Variants in VPS53 observed in about 807,000 individuals in gnomAD.
The protein encoded by VPS53 is VPS53 subunit of GARP complex, also known as vacuolar protein sorting-associated protein 53 homolog.
VPS53 carries 70 observed loss-of-function variants against 107.0 expected under a neutral mutation model. That is an observed-to-expected ratio of 0.65 (90% confidence interval 0.54 to 0.80). The LOEUF (loss-of-function observed/expected upper bound fraction) is 0.80. VPS53 is among the 30% of genes least tolerant of loss of function. VPS53 has a pLI of 0.00. For missense variants in VPS53, 917 were observed against 1,049.4 expected, an observed-to-expected ratio of 0.87 and a Z score of 1.74; for synonymous variants, 409 against 393.3, an observed-to-expected ratio of 1.04 and a Z score of -0.47.
chr17:529,005 A>G (rs991022388), intron 19 of VPS53, among the ~76,000 whole-genome samples: 3 of 152,174 alleles, frequency 2.0e-5, no homozygotes, highest in Non-Finnish European at 4.4e-5. Context: ...GTTTTGCATT[A>G]CCACCAGCAA....
At chr17:656,999 G>GTGTGATCCCCAACAGA in intron 5 of VPS53, 2 of 877,314 alleles carry the variant, frequency 2.3e-6, no homozygotes, top group Non-Finnish European at 3.9e-6. Context: ...CTCTCTGTTG[G>GTGTGATCCCCAACAGA]GGATCACACC....
intron 5 of VPS53, among the ~76,000 whole-genome samples, chr17:658,706 C>T (rs540913115): frequency 6.7e-6 from 1 of 148,904 alleles, no homozygotes. Context: ...GCCGTGAGTT[C>T]GTGGATAGAT....
chr17:637,581 C>G (rs1597415034), intron 7 of VPS53, among the ~76,000 whole-genome samples: 1 of 152,314 alleles, frequency 6.6e-6, no homozygotes, highest in East Asian at 1.9e-4. Flanking sequence ...CCTCTACACA[C>G]TGCTTTAAAT....
chr17:569,328 A>G (rs1754068821), intron 13 of VPS53, among the ~76,000 whole-genome samples: 1 of 152,218 alleles, frequency 6.6e-6, no homozygotes, highest in South Asian at 2.1e-4. Context: ...ATAGTAATGT[A>G]CCAATGTTAA....
intron 6 of VPS53, among the ~76,000 whole-genome samples, chr17:655,103 C>T (rs1389298023): frequency 6.6e-6 from 1 of 152,216 alleles, no homozygotes; most frequent in Non-Finnish European, 1.5e-5. Flanking sequence ...TGACGATGCG[C>T]TTTCCCTGTC....
intron 19 of VPS53, among the ~76,000 whole-genome samples, chr17:530,926 A>G (rs955554367): frequency 6.6e-6 from 1 of 152,246 alleles, no homozygotes; most frequent in African/African-American, 2.4e-5. Context: ...TAAGTATTAA[A>G]GCAAAACCTA....
chr17:646,399 C>A (rs1970711152), intron 7 of VPS53, among the ~76,000 whole-genome samples: 1 of 132,162 alleles, frequency 7.6e-6, no homozygotes, highest in Non-Finnish European at 1.7e-5. Flanking sequence ...TGGCCACTGC[C>A]TCCTAAGGGT....
Position 699,371 on chromosome 17 carries a change from T to TCGC in VPS53, c.175_177dup (p.Ala59dup). ...ATTTTGTTCACGACTTCGTCTATGT[T>TCGC]CGCCAGAGACTACAATAAAGAAGGA... On this transcript the variant is annotated inframe_insertion, in exon 3 of 22. Coordinates refer to ENST00000437048, the MANE Select transcript of VPS53 (RefSeq NM_001128159.3). 1 of 1,570,742 alleles carries TCGC rather than the reference T, an allele frequency of 6.4e-7. No homozygotes were observed. The highest frequency in any genetic ancestry group is 8.6e-7 in the Non-Finnish European group (1 of 1,163,004).
At position 628,220 on chromosome 17, in the gene VPS53, T is replaced by C. The variant is rs1272920974; in HGVS notation, c.699A>G (p.Gly233=). 6.2e-7 allele frequency: 1 copy of C among 1,613,752 alleles called. No homozygotes were observed. The part of the protein sequence containing the change: ...FPSQGTKRPG[G]PSNVLRDACL... ...ATGCATCTCGTAGAACATTGCTGGGTCCTCCTGGTCTCTAGTAAAACAAAC... is the reference window on the plus strand; with the variant it reads ...ATGCATCTCGTAGAACATTGCTGGGCCCTCCTGGTCTCTAGTAAAACAAAC... The change falls in exon 9 of 22, where the codon GGA becomes GGG. Residue 233 remains glycine, a synonymous_variant. Coordinates refer to ENST00000437048, the MANE Select transcript of VPS53 (RefSeq NM_001128159.3).
At chr17:550,692 A>G (rs554270420) in intron 17 of VPS53, among the ~76,000 whole-genome samples, 1 of 152,150 alleles carries the variant, frequency 6.6e-6, no homozygotes. Context: ...TCAAGACTAC[A>G]AGAGAGATAA....
chr17:545,188 G>A (rs1461653291), intron 17 of VPS53, among the ~76,000 whole-genome samples: 1 of 152,152 alleles, frequency 6.6e-6, no homozygotes, highest in African/African-American at 2.4e-5. Context: ...AGTTTCAGAG[G>A]GACCACCTGA....
intron 17 of VPS53, among the ~76,000 whole-genome samples, chr17:542,656 T>A (rs934914125): frequency 4.6e-5 from 7 of 152,194 alleles, no homozygotes; most frequent in African/African-American, 1.7e-4. Flanking sequence ...TAATTGAAAT[T>A]ATGGTGATTT....
At chr17:622,522 C>T (rs563581939) in intron 11 of VPS53, among the ~76,000 whole-genome samples, 36 of 152,260 alleles carry the variant, frequency 2.4e-4, no homozygotes, top group African/African-American at 8.4e-4. Context: ...ACACTCTGCA[C>T]GACTCGAGGA....
rs1909020802 is a variant in VPS53, at chr17:524,924, AT to A, written c.2086-3187del. ...CCTTAGCTGGAGATGTGTATCACCC[AT>A]AACACAGCATTAATACTTATATCCA... On this transcript the variant is annotated intron_variant, in intron 19 of 21. Coordinates refer to ENST00000437048, the MANE Select transcript of VPS53 (RefSeq NM_001128159.3). The surrounding 1 kb of genome is among the most constrained non-coding windows in gnomAD (Gnocchi z 4.5). 6.6e-6 allele frequency among the ~76,000 whole-genome samples: 1 copy of A among 152,244 alleles called. No individual in the cohort carries two copies. Among genetic ancestry groups the A allele is most frequent in the South Asian group, 2.1e-4 (1 of 4,834 alleles).
chr17:654,867 G>C (rs949572815), intron 6 of VPS53, among the ~76,000 whole-genome samples: 16 of 152,062 alleles, frequency 1.1e-4, no homozygotes, highest in Non-Finnish European at 1.5e-5. Context: ...TGCCTGGTCT[G>C]ATGGTTTGGT....
intron 12 of VPS53, among the ~76,000 whole-genome samples, chr17:594,383 G>C (rs528623896): frequency 2.0e-5 from 3 of 152,256 alleles, no homozygotes; most frequent in Admixed American, 6.5e-5. Context: ...AACACTGTGT[G>C]GGAGGCAAAG....
At chr17:535,138 G>A (rs1046488785) in intron 18 of VPS53, among the ~76,000 whole-genome samples, 5 of 152,190 alleles carry the variant, frequency 3.3e-5, no homozygotes, top group African/African-American at 9.7e-5. Flanking sequence ...CCTCTGTTAA[G>A]CGGGATTTTA....
At chr17:582,797 A>C (rs1427631780) in intron 13 of VPS53, among the ~76,000 whole-genome samples, 1 of 151,126 alleles carries the variant, frequency 6.6e-6, no homozygotes, top group Non-Finnish European at 1.5e-5. Flanking sequence ...CTCCCTCAGA[A>C]TCTCCATGCA....
At chr17:562,391 T>C (rs1913096890) in intron 14 of VPS53, 112 bp downstream of exon 14, 1 of 1,474,380 alleles carries the variant, frequency 6.8e-7, no homozygotes, top group African/African-American at 1.4e-5. Flanking sequence ...GAAGCGTGCT[T>C]TCCTCCTTGA....
Sources: gnomAD v4.1 joint callset for allele counts (sites outside exome capture counted in the v4.1 genomes callset) on GRCh38, gnomAD v4.1.1 for gene constraint, Gnocchi (gnomAD v3.1) non-coding constraint, MANE v1.5 for transcripts, NCBI Gene and HGNC (gene_info 2026-07-23, HGNC 2026-07-21) for gene names.